Variants in ARID4A observed in about 807,000 individuals in gnomAD.
ARID4A encodes the protein AT-rich interactive domain-containing protein 4A.
Under a neutral mutation model 148.6 loss-of-function variants are expected in ARID4A, and 39 were observed. That is an observed-to-expected ratio of 0.26 (90% CI 0.20 to 0.34). ARID4A has a LOEUF of 0.34. Ranked by LOEUF, ARID4A falls within the 10% of genes least tolerant of loss-of-function variation. The pLI is 1.00. For missense variants in ARID4A, 1,265 were observed against 1,449.1 expected (o/e 0.87, Z 2.06); for synonymous variants, 475 against 481.2 (o/e 0.99, Z 0.17).
chr14:58,307,204 A>G (rs1042466777), intron 5 of ARID4A, among the ~76,000 whole-genome samples: 1 of 152,120 alleles, frequency 6.6e-6, no homozygotes, highest in Non-Finnish European at 1.5e-5. Context: ...TGGTATAATT[A>G]TTTTGTGGTT....
chr14:58,335,311 CTT>C (rs71448948), intron 11 of ARID4A, among the ~76,000 whole-genome samples: 40 of 137,578 alleles, frequency 2.9e-4, no homozygotes, highest in Non-Finnish European at 3.2e-4. Context: ...AGGATTTTAT[CTT>C]TTTTTTTTTT....
chr14:58,301,494 C>A, intron 2 of ARID4A, 86 bp from the exon 3 acceptor site: 1 of 860,344 alleles, frequency 1.2e-6, no homozygotes, highest in Non-Finnish European at 1.8e-6. Context: ...ATTCTTAATG[C>A]TTCAAACACA....
chr14:58,325,529 C>A (rs1566685044), intron 8 of ARID4A, among the ~76,000 whole-genome samples: 1 of 152,174 alleles, frequency 6.6e-6, no homozygotes, highest in African/African-American at 2.4e-5. Context: ...AGACAATGGC[C>A]TTGGCCTTCC....
intron 8 of ARID4A, 34 bp downstream of exon 8, chr14:58,323,651 G>A (rs201536347): frequency 7.9e-5 from 122 of 1,539,450 alleles, no homozygotes; most frequent in Middle Eastern, 1.7e-4. Flanking sequence ...TTAATCAGCC[G>A]TCTAAATATT....
chr14:58,299,643 C>T, intron 1 of ARID4A, 155 bp from the exon 2 acceptor site: 2 of 631,442 alleles, frequency 3.2e-6, no homozygotes, highest in South Asian at 3.7e-5. Flanking sequence ...GCTGCCCCCT[C>T]AGCTCCTGCG....
intron 5 of ARID4A, among the ~76,000 whole-genome samples, chr14:58,312,565 C>T (rs930862451): frequency 8.6e-5 from 13 of 151,898 alleles, no homozygotes; most frequent in African/African-American, 2.9e-4. Flanking sequence ...CTAGGGCATC[C>T]GTATGTTTTA....
chr14:58,301,625 G>T lies in ARID4A; in HGVS notation c.52G>T (p.Ala18Ser). The change falls in exon 3 of 24, where the codon GCC becomes TCC. Residue 18 changes from alanine (A) to serine (S), a missense_variant. Ala to Ser is a moderately conservative substitution (Grantham distance 99). Coordinates refer to ENST00000355431, the MANE Select transcript of ARID4A (RefSeq NM_002892.4). ...AYLTVGTDVS[A>S]KYRGAFCEAK... ...CCTGACAGTGGGAACCGATGTCAGT[G>T]CCAAGTACCGAGGTGCCTTCTGTGA... The T allele has an allele frequency of 6.2e-7, 1 of 1,614,064 alleles. No individual in the cohort carries two copies. The highest frequency in any genetic ancestry group is 8.5e-7 in the Non-Finnish European group (1 of 1,179,968).
At chr14:58,343,307 A>G (rs2034203317) in intron 11 of ARID4A, among the ~76,000 whole-genome samples, 1 of 152,230 alleles carries the variant, frequency 6.6e-6, no homozygotes, top group Admixed American at 6.5e-5. Context: ...GTTATAAATC[A>G]TTATGAATGA....
chr14:58,371,991 A>G lies in ARID4A; in HGVS notation c.*2A>G. 1 of 1,584,472 alleles carries G rather than the reference A, an allele frequency of 6.3e-7. No homozygotes were observed. Among genetic ancestry groups the G allele is most frequent in the Non-Finnish European group, 8.7e-7 (1 of 1,153,522 alleles). On this transcript the variant is annotated 3_prime_UTR_variant, in exon 24 of 24. Coordinates refer to ENST00000355431, the MANE Select transcript of ARID4A (RefSeq NM_002892.4). ...GTACTTGCTGTAGAATGCAGGTGAT[A>G]AACATTTTCTCTACCTTCCCAGCAG...
chr14:58,323,896 CTTTTTTTTTTTTTTTT>C (rs545318449), intron 8 of ARID4A, among the ~76,000 whole-genome samples: 1 of 104,178 alleles, frequency 9.6e-6, no homozygotes, highest in Non-Finnish European at 2.0e-5. Context: ...CTTAGGTTCC[CTTTTTTTTTTTTTTTT>C]TTTTTTTTTT....
chr14:58,335,143 C>T (rs537670390), intron 11 of ARID4A, among the ~76,000 whole-genome samples: 1 of 152,212 alleles, frequency 6.6e-6, no homozygotes, highest in South Asian at 2.1e-4. Flanking sequence ...GAGTAGTATT[C>T]AGTACCTCTG....
Position 58,364,444 on chromosome 14 carries a change from A to G in ARID4A, c.2355A>G (p.Glu785=), listed in dbSNP as rs757794684. The G allele has an allele frequency of 6.2e-7, 1 of 1,613,372 alleles. No individual in the cohort carries two copies. Among genetic ancestry groups the G allele is most frequent in the East Asian group, 2.2e-5 (1 of 44,800 alleles). The change falls in exon 20 of 24, where the codon GAA becomes GAG. Residue 785 remains glutamate, a synonymous_variant. Coordinates refer to ENST00000355431, the MANE Select transcript of ARID4A (RefSeq NM_002892.4). Reference sequence around the variant, plus strand: ...AAAAAACAGAAGAAGTTAAGAAAGAAGCCGAAAAATCTCCAAAAGGAAAGG... The same window carrying G: ...AAAAAACAGAAGAAGTTAAGAAAGAGGCCGAAAAATCTCCAAAAGGAAAGG... ...KMEKTEEVKK[E]AEKSPKGKGR... is the part of the protein sequence containing the mutation.
chr14:58,339,886 A>G (rs1206617672), intron 11 of ARID4A, among the ~76,000 whole-genome samples: 2 of 151,830 alleles, frequency 1.3e-5, no homozygotes, highest in African/African-American at 2.4e-5. Flanking sequence ...ATGAGCACGC[A>G]AAGGGGGAAG....
chr14:58,354,101 G>C (rs1205083841), intron 17 of ARID4A, among the ~76,000 whole-genome samples: 1 of 152,132 alleles, frequency 6.6e-6, no homozygotes. Context: ...TATAGTGAGG[G>C]AGAACACACA....
chr14:58,311,131 A>G (rs2031997701), intron 5 of ARID4A, among the ~76,000 whole-genome samples: 1 of 152,178 alleles, frequency 6.6e-6, no homozygotes, highest in South Asian at 2.1e-4. Flanking sequence ...CTGTAATCCC[A>G]GCTACTTGGG....
intron 12 of ARID4A, among the ~76,000 whole-genome samples, chr14:58,345,030 A>G (rs2034292941): frequency 6.6e-6 from 1 of 151,550 alleles, no homozygotes; most frequent in East Asian, 1.9e-4. Context: ...GTGCCACCAT[A>G]CCCAGCTAAT....
intron 4 of ARID4A, among the ~76,000 whole-genome samples, chr14:58,305,581 G>C (rs1396094810): frequency 6.6e-6 from 1 of 152,096 alleles, no homozygotes; most frequent in Non-Finnish European, 1.5e-5. Flanking sequence ...TATCTAAAAG[G>C]TACCTTAAAT....
chr14:58,341,224 T>A (rs905881406), intron 11 of ARID4A, among the ~76,000 whole-genome samples: 4 of 152,228 alleles, frequency 2.6e-5, no homozygotes, highest in Non-Finnish European at 4.4e-5. Flanking sequence ...CATTCTTGGC[T>A]GAGAAATTTT....
At chr14:58,316,301 A>G (rs1350670742) in intron 5 of ARID4A, among the ~76,000 whole-genome samples, 1 of 151,766 alleles carries the variant, frequency 6.6e-6, no homozygotes, top group Non-Finnish European at 1.5e-5. Flanking sequence ...GTACATATGT[A>G]TGCTTTCTTG....
Sources: gnomAD v4.1 joint callset for allele counts (sites outside exome capture counted in the v4.1 genomes callset) on GRCh38, gnomAD v4.1.1 for gene constraint, MANE v1.5 for transcripts, NCBI Gene and HGNC (gene_info 2026-07-23, HGNC 2026-07-21) for gene names.